The following LHFPL6 variants were observed in gnomAD, a reference collection of about 807,000 sequenced individuals.
The protein encoded by LHFPL6 is LHFPL tetraspan subfamily member 6 protein.
A neutral mutation model predicts 20.6 loss-of-function variants in LHFPL6; 9 were observed. The ratio of observed to expected loss-of-function variants is 0.44; its 90% CI spans 0.26 to 0.76. LHFPL6 has a LOEUF of 0.76. LHFPL6 is among the 30% of genes least tolerant of loss of function. The pLI, the probability that LHFPL6 is intolerant of heterozygous loss-of-function variation, is 0.20. For missense variants in LHFPL6, 218 were observed against 253.5 expected (o/e 0.86, Z 0.95); for synonymous variants, 105 against 98.7 (o/e 1.06, Z -0.38).
chr13:39,423,716 T>A (rs1453290144), intron 2 of LHFPL6, among the ~76,000 whole-genome samples: 2 of 152,152 alleles, frequency 1.3e-5, no homozygotes, highest in African/African-American at 4.8e-5. Flanking sequence ...AGAATTTCAA[T>A]GTAGAAAGAG....
At chr13:39,473,900 C>T (rs1873012056) in intron 2 of LHFPL6, among the ~76,000 whole-genome samples, 1 of 152,158 alleles carries the variant, frequency 6.6e-6, no homozygotes, top group African/African-American at 2.4e-5. Flanking sequence ...TCTTCTGCTC[C>T]TCTAGAGAAA....
intron 2 of LHFPL6, among the ~76,000 whole-genome samples, chr13:39,454,498 G>A (rs1389777862): frequency 2.3e-5 from 2 of 86,174 alleles, no homozygotes; most frequent in African/African-American, 6.3e-5. Flanking sequence ...GCGTAGTGGC[G>A]GGCGCCTGTA....
At chr13:39,382,679 C>A (rs551632010) in intron 2 of LHFPL6, among the ~76,000 whole-genome samples, 1 of 152,048 alleles carries the variant, frequency 6.6e-6, no homozygotes, top group African/African-American at 2.4e-5. Flanking sequence ...TGAGCCACTG[C>A]GCCCAGCCAC....
chr13:39,557,029 T>C (rs748719464), intron 2 of LHFPL6, among the ~76,000 whole-genome samples: 11 of 152,108 alleles, frequency 7.2e-5, no homozygotes, highest in Non-Finnish European at 1.2e-4. Flanking sequence ...CCTGGCCCTG[T>C]GGTCGAGAAG....
chr13:39,596,053 C>T (rs993322226), intron 2 of LHFPL6, among the ~76,000 whole-genome samples: 2 of 152,076 alleles, frequency 1.3e-5, no homozygotes, highest in Admixed American at 6.6e-5. Flanking sequence ...ATTTTGAATA[C>T]TTCATATCCA....
intron 2 of LHFPL6, among the ~76,000 whole-genome samples, chr13:39,414,859 G>A (rs1237649305): frequency 6.6e-6 from 1 of 152,140 alleles, no homozygotes; most frequent in Non-Finnish European, 1.5e-5. Flanking sequence ...ATTAACCTGA[G>A]AGAAAATAGC....
intron 2 of LHFPL6, among the ~76,000 whole-genome samples, chr13:39,553,095 C>G (rs909196303): frequency 3.9e-5 from 6 of 151,926 alleles, no homozygotes; most frequent in African/African-American, 1.5e-4. Flanking sequence ...GAATAATATC[C>G]CACAAAATGA....
At chr13:39,554,227 G>A (rs1871231761) in intron 2 of LHFPL6, among the ~76,000 whole-genome samples, 1 of 152,134 alleles carries the variant, frequency 6.6e-6, no homozygotes, top group Admixed American at 6.5e-5. Flanking sequence ...CTATACAGAT[G>A]TAGATCTCAA....
chr13:39,540,711 T>G (rs1055653040), intron 2 of LHFPL6, among the ~76,000 whole-genome samples: 3 of 152,160 alleles, frequency 2.0e-5, no homozygotes, highest in Non-Finnish European at 2.9e-5. Context: ...AATACTTCCC[T>G]AAGAGTTGAA....
rs1215768334 is a variant in LHFPL6, at chr13:39,601,233, C to A, written c.-17G>T. ...GGATGCCATCTTTCACCAGATAGGG[C>A]AATGAGGACCCCAAGTAAGTGTTCA... is the stretch of plus-strand genomic sequence containing the variant. On this transcript the variant is annotated 5_prime_UTR_variant, in exon 2 of 4. Transcript: ENST00000379589. The A allele has an allele frequency of 1.3e-6, 2 of 1,591,030 alleles. No individual in the cohort carries two copies. Among genetic ancestry groups the A allele is most frequent in the Non-Finnish European group, 1.7e-6 (2 of 1,167,796 alleles).
chr13:39,561,589 A>C (rs931553581), intron 2 of LHFPL6, among the ~76,000 whole-genome samples: 3 of 152,116 alleles, frequency 2.0e-5, no homozygotes, highest in Non-Finnish European at 4.4e-5. Flanking sequence ...CAGCCTCCCA[A>C]GTAGCTGGAA....
rs1566142052 is a variant in LHFPL6, at chr13:39,562,455, T to TAC, written c.385+38375_385+38376dup. Among the ~76,000 whole-genome samples the TAC allele has an allele frequency of 2.1e-4, 29 of 139,828 alleles. 1 individual carries two copies. The highest frequency in any genetic ancestry group is 6.0e-4 in the East Asian group (3 of 5,042). 91.7% of individuals were successfully genotyped at this position (139,828 alleles called of 152,430 possible). On this transcript the variant is annotated intron_variant, in intron 2 of 3. Transcript: ENST00000379589. ...ACATATATACATATATACACATATATACATATATACACATATACACATATA... is the reference window on the plus strand; with the variant it reads ...ACATATATACATATATACACATATATACACATATATACACATATACACATATA...
chr13:39,436,053 T>A (rs1356748446), intron 2 of LHFPL6, among the ~76,000 whole-genome samples: 2 of 151,842 alleles, frequency 1.3e-5, no homozygotes, highest in African/African-American at 2.4e-5. Flanking sequence ...ATGTTAAGCT[T>A]TTCTCAGTTT....
chr13:39,562,385 T>C lies in LHFPL6; in HGVS notation c.385+38447A>G, dbSNP rs1192051289. Among the ~76,000 whole-genome samples, 6 of 63,516 alleles carry C rather than the reference T, an allele frequency of 9.4e-5. No individual in the cohort carries two copies. In the South Asian group the frequency reaches 3.3e-3, roughly 35 times the overall value. 41.7% of individuals were successfully genotyped at this position (63,516 alleles called of 152,430 possible). ...ACATATACATATATACATATATACA[T>C]ATACATATATATACATATATACACA... On this transcript the variant is annotated intron_variant, in intron 2 of 3. Coordinates refer to ENST00000379589, the MANE Select transcript of LHFPL6 (RefSeq NM_005780.3).
chr13:39,493,139 T>C (rs1051650456), intron 2 of LHFPL6, among the ~76,000 whole-genome samples: 5 of 151,830 alleles, frequency 3.3e-5, no homozygotes, highest in South Asian at 2.1e-4. Flanking sequence ...AAAATACTTA[T>C]AGCATTGACC....
chr13:39,486,259 G>A (rs562523779), intron 2 of LHFPL6, among the ~76,000 whole-genome samples: 1 of 152,298 alleles, frequency 6.6e-6, no homozygotes, highest in East Asian at 1.9e-4. Flanking sequence ...AGTACTTAGT[G>A]AGTCTCCATT....
At chr13:39,583,980 G>A (rs1250867088) in intron 2 of LHFPL6, among the ~76,000 whole-genome samples, 1 of 152,054 alleles carries the variant, frequency 6.6e-6, no homozygotes, top group South Asian at 2.1e-4. Flanking sequence ...TCCGTGTCAG[G>A]CCTCGACTCC....
chr13:39,510,334 C>G (rs550984717), intron 2 of LHFPL6, among the ~76,000 whole-genome samples: 2 of 152,262 alleles, frequency 1.3e-5, no homozygotes, highest in East Asian at 3.9e-4. Context: ...ATTATAAAAC[C>G]TGTTTTCACC....
chr13:39,456,586 G>C (rs1243473655), intron 2 of LHFPL6, among the ~76,000 whole-genome samples: 6 of 152,104 alleles, frequency 3.9e-5, no homozygotes, highest in Non-Finnish European at 7.4e-5. Flanking sequence ...ATAGATTTTT[G>C]ACAAAGATGC....
Sources: gnomAD v4.1 joint callset for allele counts (sites outside exome capture counted in the v4.1 genomes callset) on GRCh38, gnomAD v4.1.1 for gene constraint, MANE v1.5 for transcripts, NCBI Gene and HGNC (gene_info 2026-07-23, HGNC 2026-07-21) for gene names.